PPFIA2: variants seen among roughly 807,000 people sequenced by gnomAD.
PPFIA2 encodes PPFI scaffold protein A2, also known as liprin-alpha-2.
In PPFIA2, 46 loss-of-function variants were observed where a neutral mutation model predicts 175.5. The ratio of observed to expected loss-of-function variants is 0.26; its 90% CI spans 0.21 to 0.34. The LOEUF is 0.34. Among genes scored for constraint, PPFIA2 ranks in the 10% least tolerant of loss-of-function variants. PPFIA2 has a pLI of 1.00. For missense variants in PPFIA2, 1,179 were observed against 1,506.1 expected (o/e 0.78, Z 3.60); for synonymous variants, 568 against 511.4 (o/e 1.11, Z -1.49).
intron 3 of PPFIA2, among the ~76,000 whole-genome samples, chr12:81,730,071 TTG>T (rs1410120893): frequency 6.6e-6 from 1 of 151,586 alleles, no homozygotes; most frequent in African/African-American, 2.4e-5. Flanking sequence ...ACCCACAGAA[TTG>T]TGAGATAATA....
chr12:81,756,922 G>T (rs2084769908), intron 2 of PPFIA2, among the ~76,000 whole-genome samples: 1 of 152,004 alleles, frequency 6.6e-6, no homozygotes, highest in South Asian at 2.1e-4. Context: ...GAAATAAGAT[G>T]AATATATGCT....
At chr12:81,692,158 A>G (rs2153589057) in intron 3 of PPFIA2, among the ~76,000 whole-genome samples, 1 of 151,340 alleles carries the variant, frequency 6.6e-6, no homozygotes, top group African/African-American at 2.4e-5. Flanking sequence ...GGAAGTTGCC[A>G]CACTGTACAG....
intron 4 of PPFIA2, among the ~76,000 whole-genome samples, chr12:81,570,369 TC>T (rs1396709031): frequency 1.3e-5 from 2 of 152,120 alleles, no homozygotes; most frequent in Non-Finnish European, 2.9e-5. Flanking sequence ...TTTTTTCTCC[TC>T]CCCCTTCACT....
chr12:81,657,284 A>T (rs1032266761), intron 4 of PPFIA2, among the ~76,000 whole-genome samples: 1 of 152,238 alleles, frequency 6.6e-6, no homozygotes, highest in African/African-American at 2.4e-5. Context: ...TACAAAGCCA[A>T]AGTTTAATGA....
chr12:81,422,446 A>G (rs1237681696), intron 7 of PPFIA2, among the ~76,000 whole-genome samples: 1 of 152,132 alleles, frequency 6.6e-6, no homozygotes, highest in Non-Finnish European at 1.5e-5. Flanking sequence ...TATAATTAAA[A>G]GGAAAGCAGA....
At chr12:81,725,283 T>C (rs2079915462) in intron 3 of PPFIA2, among the ~76,000 whole-genome samples, 1 of 150,918 alleles carries the variant, frequency 6.6e-6, no homozygotes, top group African/African-American at 2.4e-5. Context: ...AGAAAATACA[T>C]ACATTTTACC....
At position 81,710,941 on chromosome 12, in the gene PPFIA2, T is replaced by TA. The variant is rs1671256723; in HGVS notation, c.250-34098dup. Among the ~76,000 whole-genome samples, 5 of 151,510 alleles carry TA rather than the reference T, an allele frequency of 3.3e-5. No homozygotes were observed. In the East Asian group the frequency reaches 1.0e-3, roughly 30 times the overall value. ...CTACTAAGGTTTTGCTACTTAGAAGTAAAATCTTTGGTCAAGCACAGTGCC... is the reference window on the plus strand; with the variant it reads ...CTACTAAGGTTTTGCTACTTAGAAGTAAAAATCTTTGGTCAAGCACAGTGCC... On this transcript the variant is annotated intron_variant, in intron 3 of 32. Transcript: ENST00000549396.
intron 4 of PPFIA2, among the ~76,000 whole-genome samples, chr12:81,554,497 T>C (rs1332646496): frequency 6.6e-5 from 10 of 152,036 alleles, no homozygotes; most frequent in Admixed American, 6.6e-4. Flanking sequence ...CTTATTATAA[T>C]GGAGGAACAC....
intron 21 of PPFIA2, among the ~76,000 whole-genome samples, chr12:81,331,873 T>C (rs892087866): frequency 4.6e-5 from 7 of 152,188 alleles, no homozygotes; most frequent in Non-Finnish European, 7.3e-5. Context: ...CCATTCACTA[T>C]TGACATCAGC....
At chr12:81,281,171 A>G in intron 27 of PPFIA2, 86 bp downstream of exon 27, 1 of 1,002,216 alleles carries the variant, frequency 1.0e-6, no homozygotes. Flanking sequence ...TGTCTTCTAG[A>G]CGTCCATTTT....
intron 7 of PPFIA2, among the ~76,000 whole-genome samples, chr12:81,420,775 A>T (rs1343984986): frequency 6.6e-6 from 1 of 152,120 alleles, no homozygotes; most frequent in Non-Finnish European, 1.5e-5. Flanking sequence ...CAGCTGAAAA[A>T]TCCCCAAATC....
intron 4 of PPFIA2, among the ~76,000 whole-genome samples, chr12:81,625,967 C>T (rs1467909782): frequency 2.0e-5 from 3 of 150,824 alleles, no homozygotes; most frequent in Admixed American, 1.3e-4. Context: ...AGGGATAATT[C>T]TCAATAACAA....
At chr12:81,422,278 T>C (rs1379174869) in intron 7 of PPFIA2, among the ~76,000 whole-genome samples, 1 of 151,782 alleles carries the variant, frequency 6.6e-6, no homozygotes, top group South Asian at 2.1e-4. Flanking sequence ...ATTGTGTCTA[T>C]ATTATTGGAC....
intron 4 of PPFIA2, among the ~76,000 whole-genome samples, chr12:81,567,224 T>C (rs935736739): frequency 2.0e-5 from 3 of 152,140 alleles, no homozygotes; most frequent in African/African-American, 7.2e-5. Flanking sequence ...ATTTCTTTTG[T>C]ATTTTTAGTA....
intron 4 of PPFIA2, among the ~76,000 whole-genome samples, chr12:81,514,862 A>G (rs981375956): frequency 4.6e-5 from 7 of 151,900 alleles, no homozygotes; most frequent in Admixed American, 1.3e-4. Flanking sequence ...TTATTATTCT[A>G]TGACATTTTA....
intron 9 of PPFIA2, among the ~76,000 whole-genome samples, chr12:81,377,509 C>CA (rs1248387862): frequency 1.3e-5 from 2 of 151,348 alleles, no homozygotes; most frequent in African/African-American, 4.9e-5. Flanking sequence ...GCCGAGATCG[C>CA]ACCACTGCAC....
At chr12:81,737,895 G>A (rs141313142) in intron 3 of PPFIA2, among the ~76,000 whole-genome samples, 1 of 151,806 alleles carries the variant, frequency 6.6e-6, no homozygotes, top group East Asian at 1.9e-4. Flanking sequence ...CTAGCATATA[G>A]GAAGTGGCAT....
chr12:81,371,843 C>A (rs946214261), intron 11 of PPFIA2, among the ~76,000 whole-genome samples: 1 of 151,472 alleles, frequency 6.6e-6, no homozygotes, highest in Non-Finnish European at 1.5e-5. Context: ...GTATCCATAA[C>A]CATTAATCAA....
At chr12:81,610,203 T>C (rs1288098863) in intron 4 of PPFIA2, among the ~76,000 whole-genome samples, 1 of 152,306 alleles carries the variant, frequency 6.6e-6, no homozygotes, top group South Asian at 2.1e-4. Flanking sequence ...TAAGATTTTT[T>C]TGTTAAAAAA....
Sources: gnomAD v4.1 joint callset for allele counts (sites outside exome capture counted in the v4.1 genomes callset) on GRCh38, gnomAD v4.1.1 for gene constraint, MANE v1.5 for transcripts, NCBI Gene and HGNC (gene_info 2026-07-23, HGNC 2026-07-21) for gene names.